The following ZNG1A variants were observed in gnomAD, a reference collection of about 807,000 sequenced individuals.
ZNG1A encodes the protein Zn regulated GTPase metalloprotein activator 1A.
chr9:129,262 T>C, the ZNG1A span, among the ~76,000 whole-genome samples: 1 of 152,036 alleles, frequency 6.6e-6, no homozygotes, highest in Non-Finnish European at 1.5e-5. Flanking sequence ...AGATATTTAA[T>C]CTCCACTGTT....
chr9:174,698 T>C, the ZNG1A span, among the ~76,000 whole-genome samples: 2 of 151,132 alleles, frequency 1.3e-5, no homozygotes, highest in Non-Finnish European at 2.9e-5. Flanking sequence ...CCTAGCTCTT[T>C]TACTTTTTAC....
the ZNG1A span, among the ~76,000 whole-genome samples, chr9:139,982 T>C: frequency 6.7e-6 from 1 of 150,076 alleles, no homozygotes; most frequent in African/African-American, 2.5e-5. Context: ...CACCACGAGA[T>C]TATATCCCGC....
chr9:122,167 ATG>A, the ZNG1A span: 75 of 1,548,688 alleles, frequency 4.8e-5, no homozygotes, highest in Non-Finnish European at 6.1e-5. Context: ...ATCAATGTTA[ATG>A]GATTAATTAC....
the ZNG1A span, among the ~76,000 whole-genome samples, chr9:174,132 G>A: frequency 6.7e-6 from 1 of 148,632 alleles, no homozygotes; most frequent in Non-Finnish European, 1.5e-5. Context: ...GGGCAACACA[G>A]CGAGACTCCA....
At chr9:122,569 C>T in the ZNG1A span, 3 of 1,030,696 alleles carry the variant, frequency 2.9e-6, no homozygotes, top group Admixed American at 5.0e-5. Flanking sequence ...TTATATTTAT[C>T]TGAATATGAG....
the ZNG1A span, chr9:177,692 G>C: frequency 2.2e-3 from 2,991 of 1,374,880 alleles, 3 homozygotes; most frequent in Non-Finnish European, 2.6e-3. Flanking sequence ...CTGAGCTTCA[G>C]ATCATTTTCT....
chr9:129,457 G>T, the ZNG1A span, among the ~76,000 whole-genome samples: 1 of 149,442 alleles, frequency 6.7e-6, no homozygotes, highest in Non-Finnish European at 1.5e-5. Flanking sequence ...AATAAATGTG[G>T]TAATATACAT....
the ZNG1A span, among the ~76,000 whole-genome samples, chr9:140,364 C>T: frequency 9.9e-5 from 15 of 150,776 alleles, no homozygotes; most frequent in South Asian, 8.4e-4. Context: ...CCCTGACCCC[C>T]GAGCAGCCTA....
the ZNG1A span, among the ~76,000 whole-genome samples, chr9:124,820 C>T: frequency 1.4e-5 from 2 of 143,960 alleles, no homozygotes; most frequent in Admixed American, 7.0e-5. Flanking sequence ...GTTTTCCATT[C>T]CTGAGTTCTT....
At chr9:173,851 T>C in the ZNG1A span, among the ~76,000 whole-genome samples, 1 of 152,170 alleles carries the variant, frequency 6.6e-6, no homozygotes, top group Non-Finnish European at 1.5e-5. Context: ...CTAGTTCATC[T>C]TGAGGAAGGT....
At chr9:131,179 CTTT>C in the ZNG1A span, among the ~76,000 whole-genome samples, 1 of 131,652 alleles carries the variant, frequency 7.6e-6, no homozygotes, top group East Asian at 2.1e-4. Flanking sequence ...CCATTTCAGA[CTTT>C]TTTTTTCCAG....
chr9:147,570 G>T, the ZNG1A span: 2 of 138,594 alleles, frequency 1.4e-5, no homozygotes, highest in Admixed American at 1.4e-4. Context: ...GACTATAACA[G>T]CAACTCAAAT....
the ZNG1A span, chr9:171,906 T>C: frequency 4.8e-6 from 4 of 831,364 alleles, no homozygotes; most frequent in African/African-American, 3.5e-5. Context: ...CTCTGTTCAT[T>C]CATTCAACTG....
the ZNG1A span, chr9:149,158 G>C: frequency 6.6e-6 from 1 of 151,394 alleles, no homozygotes; most frequent in African/African-American, 2.4e-5. Context: ...CCTCCTTCCT[G>C]TATTTCCTAT....
the ZNG1A span, among the ~76,000 whole-genome samples, chr9:133,178 T>TAC: frequency 7.1e-6 from 1 of 139,872 alleles, no homozygotes; most frequent in Non-Finnish European, 1.5e-5. Flanking sequence ...TTTCCTCCCT[T>TAC]ACACCTCAGA....
At chr9:161,609 G>C in the ZNG1A span, 2 of 1,286,708 alleles carry the variant, frequency 1.6e-6, no homozygotes, top group Admixed American at 2.3e-5. Context: ...GAACGGGTCA[G>C]TGGGTGGGAT....
the ZNG1A span, among the ~76,000 whole-genome samples, chr9:135,713 C>CT: frequency 8.6e-6 from 1 of 115,760 alleles, no homozygotes; most frequent in Non-Finnish European, 1.6e-5. Context: ...CTTGCAGATG[C>CT]TTTGCCTTGA....
the ZNG1A span, chr9:161,789 G>A: frequency 4.1e-6 from 2 of 483,184 alleles, no homozygotes; most frequent in Non-Finnish European, 3.8e-6. Context: ...ATTCATAGCA[G>A]GATGTCTTTT....
the ZNG1A span, among the ~76,000 whole-genome samples, chr9:163,527 C>T: frequency 6.6e-6 from 1 of 151,912 alleles, no homozygotes; most frequent in African/African-American, 2.4e-5. Context: ...AAGATTTCAT[C>T]ATTAAACTAA....
Sources: gnomAD v4.1 joint callset for allele counts (sites outside exome capture counted in the v4.1 genomes callset) on GRCh38, gnomAD v4.1.1 for gene constraint, MANE v1.5 for transcripts, NCBI Gene and HGNC (gene_info 2026-07-23, HGNC 2026-07-21) for gene names.